Variants in LINGO2 observed in about 807,000 individuals in gnomAD.
LINGO2 encodes leucine-rich repeat and immunoglobulin-like domain-containing nogo receptor-interacting protein 2.
LINGO2 carries 14 observed loss-of-function variants against 30.6 expected under a neutral mutation model. The ratio of observed to expected loss-of-function variants is 0.46; its 90% confidence interval spans 0.30 to 0.72. LINGO2 has a LOEUF of 0.72. Among genes scored for constraint, LINGO2 ranks in the 30% least tolerant of loss-of-function variants. The probability of loss-of-function intolerance (pLI) is 0.07; values close to 1 mark genes in which losing one functional copy is unlikely to be tolerated. For synonymous variants in LINGO2, 317 were observed against 288.5 expected (o/e 1.10, Z -1.00); for missense variants, 729 against 751.7 (o/e 0.97, Z 0.35).
intron 1 of LINGO2, among the ~76,000 whole-genome samples, chr9:28,605,102 T>C (rs1209646790): frequency 6.6e-6 from 1 of 152,036 alleles, no homozygotes; most frequent in Non-Finnish European, 1.5e-5. Context: ...TATTGAGAAA[T>C]AGAAATGTGT....
chr9:28,647,042 G>A (rs1300520055), intron 1 of LINGO2, among the ~76,000 whole-genome samples: 1 of 152,064 alleles, frequency 6.6e-6, no homozygotes, highest in African/African-American at 2.4e-5. Context: ...TCCAAACTGA[G>A]CAAAGACACC....
At chr9:28,090,872 G>C (rs1387096764) in intron 4 of LINGO2, among the ~76,000 whole-genome samples, 1 of 152,096 alleles carries the variant, frequency 6.6e-6, no homozygotes, top group African/African-American at 2.4e-5. Flanking sequence ...AAAGTCTCAG[G>C]ATACAAAATC....
At chr9:29,048,227 C>A in the LINGO2 span, among the ~76,000 whole-genome samples, 1 of 151,498 alleles carries the variant, frequency 6.6e-6, no homozygotes, top group Admixed American at 6.6e-5. Context: ...AATAGCCACA[C>A]ATAAAATTAA....
chr9:28,213,118 T>C (rs1217197816), intron 4 of LINGO2, among the ~76,000 whole-genome samples: 1 of 151,472 alleles, frequency 6.6e-6, no homozygotes, highest in Non-Finnish European at 1.5e-5. Flanking sequence ...GCAAACACAT[T>C]CTTATGTTAT....
At chr9:27,937,790 C>T in the LINGO2 span, 1 of 152,016 alleles carries the variant, frequency 6.6e-6, no homozygotes, top group Non-Finnish European at 1.5e-5. Context: ...GACAATAGGG[C>T]TTAGCTAAAC....
the LINGO2 span, among the ~76,000 whole-genome samples, chr9:29,207,851 G>A: frequency 1.6e-4 from 25 of 152,052 alleles, no homozygotes; most frequent in African/African-American, 3.4e-4. Flanking sequence ...AAATCCTAGC[G>A]AACCTCATAT....
intron 4 of LINGO2, among the ~76,000 whole-genome samples, chr9:28,287,825 G>T (rs1457880994): frequency 6.6e-6 from 1 of 152,106 alleles, no homozygotes; most frequent in East Asian, 1.9e-4. Context: ...TATGTGCACT[G>T]CTGTGACAAA....
At chr9:28,028,153 C>A (rs1823474984) in intron 4 of LINGO2, among the ~76,000 whole-genome samples, 1 of 152,128 alleles carries the variant, frequency 6.6e-6, no homozygotes, top group Admixed American at 6.5e-5. Flanking sequence ...TATTGACTCT[C>A]TTGACCGGTG....
chr9:29,035,010 A>G, the LINGO2 span, among the ~76,000 whole-genome samples: 2 of 152,184 alleles, frequency 1.3e-5, no homozygotes, highest in African/African-American at 4.8e-5. Flanking sequence ...TATTATTGCT[A>G]TATTTATTTT....
intron 4 of LINGO2, among the ~76,000 whole-genome samples, chr9:28,222,446 C>T (rs1450721371): frequency 6.6e-6 from 1 of 151,906 alleles, no homozygotes; most frequent in Non-Finnish European, 1.5e-5. Flanking sequence ...CTACAAAAAA[C>T]CCATTGGCAT....
chr9:28,483,821 G>A (rs74885651), intron 1 of LINGO2, among the ~76,000 whole-genome samples: 3,248 of 151,794 alleles, frequency 0.021, 102 homozygotes, highest in East Asian at 0.1. Flanking sequence ...TTTCATATAA[G>A]CCACCAAGAA....
chr9:29,054,586 T>C, the LINGO2 span, among the ~76,000 whole-genome samples: 1 of 152,290 alleles, frequency 6.6e-6, no homozygotes, highest in Admixed American at 6.5e-5. Flanking sequence ...ACTACTAATG[T>C]AAGCTTTTCA....
chr9:29,002,073 T>G, the LINGO2 span, among the ~76,000 whole-genome samples: 1 of 152,154 alleles, frequency 6.6e-6, no homozygotes, highest in Non-Finnish European at 1.5e-5. Flanking sequence ...CTGCTTGAAT[T>G]ATGTTATTTT....
the LINGO2 span, among the ~76,000 whole-genome samples, chr9:28,786,713 G>A: frequency 2.6e-5 from 4 of 152,088 alleles, no homozygotes; most frequent in South Asian, 8.3e-4. Flanking sequence ...TCAGGATCCT[G>A]AGTCAAATCA....
the LINGO2 span, among the ~76,000 whole-genome samples, chr9:28,744,286 G>T: frequency 6.6e-6 from 1 of 151,658 alleles, no homozygotes; most frequent in African/African-American, 2.4e-5. Flanking sequence ...TTCTTTCAGC[G>T]TACTTATAAT....
At chr9:28,646,527 T>A (rs1024208870) in intron 1 of LINGO2, among the ~76,000 whole-genome samples, 2 of 152,032 alleles carry the variant, frequency 1.3e-5, no homozygotes, top group Non-Finnish European at 2.9e-5. Context: ...AAGAACAGTC[T>A]CCAACTAATT....
the LINGO2 span, among the ~76,000 whole-genome samples, chr9:28,822,415 A>G: frequency 1.3e-5 from 2 of 152,186 alleles, no homozygotes; most frequent in African/African-American, 4.8e-5. Context: ...ATGATGGTCA[A>G]TACAGAGTAT....
At chr9:28,596,021 T>A (rs1563851702) in intron 1 of LINGO2, among the ~76,000 whole-genome samples, 1 of 152,162 alleles carries the variant, frequency 6.6e-6, no homozygotes, top group Admixed American at 6.6e-5. Flanking sequence ...CATGTAAAAC[T>A]AAAATTCTGC....
intron 4 of LINGO2, among the ~76,000 whole-genome samples, chr9:28,267,929 C>G (rs1587358894): frequency 6.6e-6 from 1 of 151,976 alleles, no homozygotes; most frequent in Non-Finnish European, 1.5e-5. Context: ...TTAGTTTTCT[C>G]ATCGATAAAA....
Sources: gnomAD v4.1 joint callset for allele counts (sites outside exome capture counted in the v4.1 genomes callset) on GRCh38, gnomAD v4.1.1 for gene constraint, MANE v1.5 for transcripts, NCBI Gene and HGNC (gene_info 2026-07-23, HGNC 2026-07-21) for gene names.